The following DACH2 variants were observed in gnomAD, a reference collection of about 807,000 sequenced individuals.
DACH2 encodes the protein dachshund homolog 2.
A neutral mutation model predicts 35.8 loss-of-function variants in DACH2; 17 were observed. The observed-to-expected ratio is 0.48, with a 90% CI of 0.33 to 0.71. DACH2 has a LOEUF of 0.71. Ranked by LOEUF, DACH2 falls within the 30% of genes least tolerant of loss-of-function variation. The probability of loss-of-function intolerance (pLI) is 0.02; values close to 1 mark genes in which losing one functional copy is unlikely to be tolerated. For missense variants in DACH2, 469 were observed against 472.7 expected (o/e 0.99, Z 0.07); for synonymous variants, 195 against 177.3 (o/e 1.10, Z -0.79).
chrX:86,285,080 A>T (rs189590053), intron 1 of DACH2, among the ~76,000 whole-genome samples: 9 of 111,156 alleles, frequency 8.1e-5, no homozygotes, highest in Non-Finnish European at 1.7e-4. Context: ...TTCTTCTTTG[A>T]TCAGCTAGTC....
chrX:86,321,350 G>C (rs780697738), intron 1 of DACH2, among the ~76,000 whole-genome samples: 2 of 111,779 alleles, frequency 1.8e-5, no homozygotes, highest in Non-Finnish European at 3.8e-5. Context: ...GCTTTCTGAG[G>C]AATGAACCTT....
chrX:86,523,918 C>T (rs970593789), intron 3 of DACH2, among the ~76,000 whole-genome samples: 4 of 111,485 alleles, frequency 3.6e-5, no homozygotes, highest in Non-Finnish European at 5.7e-5. Flanking sequence ...AGGCCCCTCC[C>T]GTAATCCCAA....
intron 7 of DACH2, among the ~76,000 whole-genome samples, chrX:86,810,895 G>A (rs895253190): frequency 1.2e-4 from 13 of 111,358 alleles, no homozygotes; most frequent in Non-Finnish European, 2.5e-4. Flanking sequence ...AGAGTTTAGC[G>A]TTAATTTTAA....
intron 1 of DACH2, among the ~76,000 whole-genome samples, chrX:86,318,523 G>A (rs867323896): frequency 6.3e-5 from 7 of 111,398 alleles, no homozygotes; most frequent in South Asian, 3.8e-4. Context: ...ATTACCATTG[G>A]CTTACAATAA....
chrX:86,541,494 G>T (rs1307356486), intron 3 of DACH2, among the ~76,000 whole-genome samples: 2 of 110,666 alleles, frequency 1.8e-5, no homozygotes, highest in Non-Finnish European at 3.8e-5. Context: ...CTCAAAAAAA[G>T]GTAAAACTTG....
chrX:86,473,911 T>G (rs771538640), intron 2 of DACH2, among the ~76,000 whole-genome samples: 107 of 111,741 alleles, frequency 9.6e-4, no homozygotes, highest in African/African-American at 3.3e-3. Flanking sequence ...ATACAGTAGC[T>G]CTATTTTTCA....
At chrX:86,302,172 C>T (rs1284374601) in intron 1 of DACH2, among the ~76,000 whole-genome samples, 1 of 110,813 alleles carries the variant, frequency 9.0e-6, no homozygotes, top group Non-Finnish European at 1.9e-5. Context: ...GCTGTAGATG[C>T]AATCTTTGAC....
At chrX:86,586,283 G>A (rs2039569197) in intron 3 of DACH2, among the ~76,000 whole-genome samples, 1 of 110,966 alleles carries the variant, frequency 9.0e-6, no homozygotes, top group Non-Finnish European at 1.9e-5. Context: ...TTGCAAATTT[G>A]CTTAAGTTCC....
chrX:86,557,187 G>C (rs903721226), intron 3 of DACH2, among the ~76,000 whole-genome samples: 6 of 110,420 alleles, frequency 5.4e-5, no homozygotes, highest in Admixed American at 4.8e-4. Flanking sequence ...CATTGGTAAG[G>C]GTGGATCTCC....
chrX:86,803,048 T>C (rs1471957309), intron 7 of DACH2, among the ~76,000 whole-genome samples: 4 of 112,213 alleles, frequency 3.6e-5, no homozygotes, highest in Non-Finnish European at 7.5e-5. Context: ...GACTTGTACA[T>C]GCCTTTGGTG....
chrX:86,716,301 A>G (rs2041335609), intron 6 of DACH2, among the ~76,000 whole-genome samples: 2 of 112,341 alleles, frequency 1.8e-5, no homozygotes, highest in Admixed American at 1.9e-4. Flanking sequence ...TTTGAGAAGA[A>G]AATTACCCAT....
chrX:86,753,681 G>A (rs2041797697), intron 7 of DACH2, among the ~76,000 whole-genome samples: 1 of 111,489 alleles, frequency 9.0e-6, no homozygotes, highest in Non-Finnish European at 1.9e-5. Context: ...ATGTAATGAT[G>A]AGAGATATTA....
intron 7 of DACH2, 127 bp from the exon 8 acceptor site, chrX:86,812,729 T>A (rs2042406477): frequency 7.5e-6 from 3 of 401,427 alleles, no homozygotes; most frequent in Non-Finnish European, 1.2e-5. Flanking sequence ...ATATGACTTC[T>A]AATTATGAGA....
At chrX:86,778,774 C>T (rs962302539) in intron 7 of DACH2, among the ~76,000 whole-genome samples, 1 of 110,651 alleles carries the variant, frequency 9.0e-6, no homozygotes, top group South Asian at 3.9e-4. Flanking sequence ...CTGCACCCAA[C>T]TAATTTTTGT....
intron 1 of DACH2, among the ~76,000 whole-genome samples, chrX:86,219,977 A>G (rs1442726130): frequency 1.0e-5 from 1 of 95,445 alleles, no homozygotes; most frequent in Non-Finnish European, 2.1e-5. Context: ...ACCAACATGG[A>G]GAAACCCCAT....
intron 3 of DACH2, among the ~76,000 whole-genome samples, chrX:86,566,309 G>GT (rs991169110): frequency 1.1e-4 from 12 of 111,506 alleles, no homozygotes; most frequent in African/African-American, 1.6e-4. Flanking sequence ...AGGATTAAGT[G>GT]TTTTTTATTC....
intron 2 of DACH2, among the ~76,000 whole-genome samples, chrX:86,480,146 A>G (rs924926419): frequency 8.9e-6 from 1 of 112,138 alleles, no homozygotes; most frequent in African/African-American, 3.2e-5. Flanking sequence ...ATTCAAAAGA[A>G]CCTGGGCATT....
chrX:86,230,424 C>T (rs1304061232), intron 1 of DACH2, among the ~76,000 whole-genome samples: 1 of 111,253 alleles, frequency 9.0e-6, no homozygotes, highest in East Asian at 2.8e-4. Flanking sequence ...CTATGTTCAT[C>T]AAGGATATTG....
At chrX:86,510,787 T>C (rs961144659) in intron 2 of DACH2, among the ~76,000 whole-genome samples, 11 of 111,971 alleles carry the variant, frequency 9.8e-5, no homozygotes, top group African/African-American at 2.3e-4. Context: ...GAGTGATATA[T>C]TGGCAGAGCC....
Sources: gnomAD v4.1 joint callset for allele counts (sites outside exome capture counted in the v4.1 genomes callset) on GRCh38, gnomAD v4.1.1 for gene constraint, MANE v1.5 for transcripts, NCBI Gene and HGNC (gene_info 2026-07-23, HGNC 2026-07-21) for gene names.